Variants in DIAPH2 observed in about 807,000 individuals in gnomAD.
DIAPH2 encodes protein diaphanous homolog 2.
Under a neutral mutation model 92.7 loss-of-function variants are expected in DIAPH2, and 35 were observed. That is an observed-to-expected ratio of 0.38 (90% CI 0.29 to 0.50). The LOEUF (loss-of-function observed/expected upper bound fraction) is 0.50, where lower values mean the gene tolerates loss of function less well. Ranked by LOEUF, DIAPH2 falls within the 20% of genes least tolerant of loss-of-function variation. DIAPH2 has a pLI of 0.94. For missense variants in DIAPH2, 701 were observed against 819.5 expected, an observed-to-expected ratio of 0.86 and a Z score of 1.77; for synonymous variants, 301 against 280.4, an observed-to-expected ratio of 1.07 and a Z score of -0.73.
intron 26 of DIAPH2, chrX:97,431,435 T>A (rs1368216525): frequency 8.9e-6 from 1 of 112,513 alleles, no homozygotes; most frequent in Non-Finnish European, 1.9e-5. Context: ...TCACACCTCA[T>A]ACTGATTCCA....
At chrX:97,301,274 C>G (rs1233322467) in intron 23 of DIAPH2, among the ~76,000 whole-genome samples, 1 of 109,569 alleles carries the variant, frequency 9.1e-6, no homozygotes, top group Non-Finnish European at 1.9e-5. Flanking sequence ...TACAGTTAAA[C>G]ATGAGTCATG....
intron 22 of DIAPH2, among the ~76,000 whole-genome samples, chrX:97,188,266 A>G (rs1171481047): frequency 8.9e-6 from 1 of 111,848 alleles, no homozygotes; most frequent in African/African-American, 3.2e-5. Context: ...GAGTAAAACA[A>G]CACCATCAGT....
chrX:96,738,719 A>G lies in DIAPH2; in HGVS notation c.299A>G (p.Asn100Ser). ...AQPLYDERSLNLSEKEVLDLF... is the reference protein window; with the variant it reads ...AQPLYDERSLSLSEKEVLDLF... ...CCATTATATGATGAACGATCTTTGA[A>G]TTTGTCAGAAAAGGAAGTATTGGAT... Residue 100 changes from asparagine (N) to serine (S), a missense_variant, in exon 3 of 27, where the codon AAT becomes AGT. Physicochemically the swap from Asn to Ser is conservative, Grantham distance 46. Around this residue, in one of 3 missense-constraint regions of DIAPH2, gnomAD observed 131 missense variants for 145.6 expected, o/e 0.90. Coordinates refer to ENST00000324765, the MANE Select transcript of DIAPH2 (RefSeq NM_006729.5). 2 of 1,208,184 alleles carry G rather than the reference A, an allele frequency of 1.7e-6. No homozygotes were observed. Among genetic ancestry groups the G allele is most frequent in the Non-Finnish European group, 2.2e-6 (2 of 894,233 alleles).
chrX:97,493,176 A>G (rs2070735239), intron 26 of DIAPH2, among the ~76,000 whole-genome samples: 1 of 112,182 alleles, frequency 8.9e-6, no homozygotes, highest in African/African-American at 3.2e-5. Context: ...CTGTTTAATC[A>G]CTGTAGTGAT....
At chrX:96,971,943 C>A (rs923246801) in intron 17 of DIAPH2, among the ~76,000 whole-genome samples, 1 of 111,774 alleles carries the variant, frequency 8.9e-6, no homozygotes, top group Admixed American at 9.5e-5. Context: ...TGCTGAAGTT[C>A]CTTGTCATTC....
intron 20 of DIAPH2, among the ~76,000 whole-genome samples, chrX:97,112,060 G>T (rs2066984107): frequency 8.9e-6 from 1 of 111,997 alleles, no homozygotes; most frequent in South Asian, 3.7e-4. Context: ...AATTGGAGCT[G>T]ATATTTTTAT....
chrX:96,704,479 CTTTG>C (rs1190690088), intron 1 of DIAPH2, among the ~76,000 whole-genome samples: 1 of 111,717 alleles, frequency 9.0e-6, no homozygotes, highest in Non-Finnish European at 1.9e-5. Context: ...TCAGAGTACT[CTTTG>C]TTTATTTCTT....
At chrX:97,303,715 A>G (rs1878774608) in intron 23 of DIAPH2, among the ~76,000 whole-genome samples, 1 of 112,194 alleles carries the variant, frequency 8.9e-6, no homozygotes, top group African/African-American at 3.2e-5. Flanking sequence ...AAAGACAAAC[A>G]GATCTATTTT....
chrX:96,954,188 A>ATGGCTGCCT (rs964046816), intron 15 of DIAPH2: 1 of 112,095 alleles, frequency 8.9e-6, no homozygotes. Flanking sequence ...CAAAAAACTC[A>ATGGCTGCCT]TGGCTGCCTT....
At chrX:97,253,293 A>AAAAAAAAATAAAATAAAATAAAAT (rs748186406) in intron 23 of DIAPH2, among the ~76,000 whole-genome samples, 1 of 91,738 alleles carries the variant, frequency 1.1e-5, no homozygotes, top group Admixed American at 1.3e-4. Context: ...CTCCGTAAAA[A>AAAAAAAAATAAAATAAAATAAAAT]AAAATAAAAT....
At chrX:96,765,528 A>G (rs926857495) in intron 4 of DIAPH2, among the ~76,000 whole-genome samples, 3 of 111,496 alleles carry the variant, frequency 2.7e-5, no homozygotes, top group Non-Finnish European at 5.6e-5. Flanking sequence ...ATATTGTTAT[A>G]ATTTTTCTAT....
At chrX:97,105,750 C>T (rs479785) in intron 20 of DIAPH2, among the ~76,000 whole-genome samples, 3,949 of 111,997 alleles carry the variant, frequency 0.035, 180 homozygotes, top group African/African-American at 0.12. Flanking sequence ...AGTAATCGTA[C>T]TTTGTTTTTC....
At chrX:96,884,816 A>T in intron 5 of DIAPH2, 1 of 1,211,488 alleles carries the variant, frequency 8.3e-7, no homozygotes, top group Non-Finnish European at 1.1e-6. Context: ...ATGATGCTGG[A>T]TAAAGCCCGT....
chrX:96,692,980 T>A (rs774622088), intron 1 of DIAPH2, among the ~76,000 whole-genome samples: 6 of 111,994 alleles, frequency 5.4e-5, no homozygotes, highest in Non-Finnish European at 1.1e-4. Context: ...TAGAAGTTAT[T>A]CTTATTGAGA....
At chrX:97,030,207 A>G (rs2066363901) in intron 17 of DIAPH2, among the ~76,000 whole-genome samples, 1 of 111,630 alleles carries the variant, frequency 9.0e-6, no homozygotes, top group Non-Finnish European at 1.9e-5. Context: ...ACATCATTCA[A>G]ATCTGCAGCA....
At chrX:97,065,520 T>A (rs750886621) in intron 17 of DIAPH2, among the ~76,000 whole-genome samples, 8 of 111,937 alleles carry the variant, frequency 7.1e-5, no homozygotes, top group Non-Finnish European at 1.5e-4. Context: ...TTTGTGGTGA[T>A]GTTGTTGCAA....
At chrX:96,844,940 ATAT>A (rs2064961363) in intron 4 of DIAPH2, among the ~76,000 whole-genome samples, 1 of 112,142 alleles carries the variant, frequency 8.9e-6, no homozygotes. Context: ...ATGAAAAATA[ATAT>A]TTTATGATTT....
At chrX:96,851,403 G>A (rs191257901) in intron 4 of DIAPH2, among the ~76,000 whole-genome samples, 31 of 111,855 alleles carry the variant, frequency 2.8e-4, no homozygotes, top group African/African-American at 9.1e-4. Context: ...TTGCCTGGCC[G>A]GTTGCTTATG....
intron 26 of DIAPH2, among the ~76,000 whole-genome samples, chrX:97,508,644 A>G (rs965207959): frequency 8.9e-6 from 1 of 112,090 alleles, no homozygotes; most frequent in African/African-American, 3.2e-5. Flanking sequence ...GTTAGTACCT[A>G]TGGAGTCATT....
Sources: allele counts gnomAD v4.1 joint callset (sites outside exome capture counted in the v4.1 genomes callset), GRCh38; gene constraint gnomAD v4.1.1; regional missense constraint gnomAD v4.1.1; transcripts MANE v1.5; gene names NCBI Gene and HGNC (gene_info 2026-07-23, HGNC 2026-07-21).